LRP1B: variants seen among roughly 807,000 people sequenced by gnomAD.
LRP1B encodes low-density lipoprotein receptor-related protein 1B.
LRP1B carries 217 observed loss-of-function variants against 556.6 expected under a neutral mutation model. That is an observed-to-expected ratio of 0.39 (90% CI 0.35 to 0.44). The LOEUF (loss-of-function observed/expected upper bound fraction) is 0.44, where lower values mean the gene tolerates loss of function less well. LRP1B is among the 20% of genes least tolerant of loss of function. The pLI is 1.00. For missense variants in LRP1B, 5,053 were observed against 5,620.8 expected (o/e 0.90, Z 3.23); for synonymous variants, 2,047 against 1,865.8 (o/e 1.10, Z -2.50).
At position 141,087,490 on chromosome 2, in the gene LRP1B, G is replaced by A. The variant is rs1257625239; in HGVS notation, c.1014-25217C>T. Among the ~76,000 whole-genome samples the A allele has an allele frequency of 2.6e-5, 4 of 152,190 alleles. No individual in the cohort carries two copies. In the East Asian group the frequency reaches 7.7e-4, roughly 29 times the overall value. On this transcript the variant is annotated intron_variant, in intron 7 of 90. Coordinates refer to ENST00000389484, the MANE Select transcript of LRP1B (RefSeq NM_018557.3). Reference sequence around the variant, plus strand: ...ATGGGGGCATATTCACCTACTTCAGGTTAATCCAACCTCCAAATATTCACA... The same window carrying A: ...ATGGGGGCATATTCACCTACTTCAGATTAATCCAACCTCCAAATATTCACA...
intron 7 of LRP1B, among the ~76,000 whole-genome samples, chr2:141,186,924 G>A (rs1378358596): frequency 1.3e-5 from 2 of 151,932 alleles, no homozygotes; most frequent in Non-Finnish European, 2.9e-5. Context: ...GTAGAAAAAG[G>A]GGAAAAACAC....
chr2:141,187,890 A>G (rs528071764), intron 7 of LRP1B, among the ~76,000 whole-genome samples: 1 of 152,148 alleles, frequency 6.6e-6, no homozygotes, highest in South Asian at 2.1e-4. Context: ...CACTAACACC[A>G]TAATAATATT....
chr2:141,786,571 C>A (rs2105651267), intron 2 of LRP1B, among the ~76,000 whole-genome samples: 1 of 151,998 alleles, frequency 6.6e-6, no homozygotes, highest in South Asian at 2.1e-4. Context: ...CCTATAATAT[C>A]AAGCTACCAG....
At chr2:141,801,881 C>T (rs900703541) in intron 2 of LRP1B, among the ~76,000 whole-genome samples, 7 of 151,976 alleles carry the variant, frequency 4.6e-5, no homozygotes, top group Non-Finnish European at 7.4e-5. Context: ...TATTAAAATA[C>T]ATCAACTTTT....
chr2:140,988,315 GC>G (rs1206304411), intron 17 of LRP1B, among the ~76,000 whole-genome samples: 1 of 151,994 alleles, frequency 6.6e-6, no homozygotes, highest in Non-Finnish European at 1.5e-5. Flanking sequence ...CAAAAGATTT[GC>G]TATGAGACAA....
chr2:140,285,159 G>C (rs1683090257), intron 84 of LRP1B, among the ~76,000 whole-genome samples: 1 of 149,488 alleles, frequency 6.7e-6, no homozygotes, highest in Non-Finnish European at 1.5e-5. Flanking sequence ...GTATATATGT[G>C]TGTGTAGATA....
chr2:141,393,605 C>CA (rs1690134794), intron 3 of LRP1B, among the ~76,000 whole-genome samples: 1 of 151,988 alleles, frequency 6.6e-6, no homozygotes, highest in African/African-American at 2.4e-5. Context: ...GCCATTCAAT[C>CA]AAAAAACGAC....
chr2:140,664,257 T>C (rs978594263), intron 41 of LRP1B, among the ~76,000 whole-genome samples: 8 of 152,316 alleles, frequency 5.3e-5, no homozygotes, highest in African/African-American at 1.9e-4. Context: ...GGAAAAATAG[T>C]GCCAACAGAC....
chr2:140,700,748 G>T, intron 40 of LRP1B, 127 bp from the exon 41 acceptor site: 1 of 973,086 alleles, frequency 1.0e-6, no homozygotes, highest in Non-Finnish European at 1.5e-6. Flanking sequence ...TTAATTTTAA[G>T]CTGGTCAATA....
At chr2:141,480,583 G>A (rs2105090660) in intron 2 of LRP1B, 50 bp from the exon 3 acceptor site, 4 of 1,579,984 alleles carry the variant, frequency 2.5e-6, no homozygotes, top group Non-Finnish European at 3.5e-6. Flanking sequence ...TTTCTAAATG[G>A]TAAAACTGTT....
intron 2 of LRP1B, among the ~76,000 whole-genome samples, chr2:141,692,481 G>A (rs184022448): frequency 2.6e-5 from 4 of 152,068 alleles, no homozygotes; most frequent in Admixed American, 1.3e-4. Context: ...TTCAGCATGA[G>A]TTTGTCATTG....
intron 2 of LRP1B, among the ~76,000 whole-genome samples, chr2:141,504,592 A>G (rs898615482): frequency 1.3e-5 from 2 of 152,112 alleles, no homozygotes; most frequent in Non-Finnish European, 2.9e-5. Context: ...ACAACACATT[A>G]CCAGATGGAA....
At chr2:141,619,425 G>A (rs979320870) in intron 2 of LRP1B, among the ~76,000 whole-genome samples, 1 of 152,198 alleles carries the variant, frequency 6.6e-6, no homozygotes, top group Non-Finnish European at 1.5e-5. Context: ...CAATGCATAT[G>A]AGCGGAACTG....
intron 2 of LRP1B, among the ~76,000 whole-genome samples, chr2:141,555,939 T>G (rs1685947354): frequency 1.3e-5 from 2 of 150,456 alleles, no homozygotes; most frequent in Non-Finnish European, 3.0e-5. Flanking sequence ...CTGCAGGGTT[T>G]TGTTTTGTTT....
chr2:141,719,810 C>T (rs1370921544), intron 2 of LRP1B, among the ~76,000 whole-genome samples: 1 of 151,970 alleles, frequency 6.6e-6, no homozygotes, highest in South Asian at 2.1e-4. Flanking sequence ...CAAAGGATAA[C>T]AATTTTCACT....
intron 83 of LRP1B, 137 bp from the exon 84 acceptor site, chr2:140,298,106 C>A: frequency 1.5e-6 from 1 of 655,090 alleles, no homozygotes; most frequent in African/African-American, 1.9e-5. Context: ...TGACTTTAGG[C>A]AGTAACAAGA....
intron 3 of LRP1B, among the ~76,000 whole-genome samples, chr2:141,440,034 C>T (rs1297169111): frequency 1.3e-5 from 2 of 152,150 alleles, no homozygotes; most frequent in African/African-American, 4.8e-5. Flanking sequence ...TGGTCGACAA[C>T]ACATAACAGC....
At chr2:142,066,069 C>A (rs1445546203) in intron 1 of LRP1B, among the ~76,000 whole-genome samples, 1 of 151,470 alleles carries the variant, frequency 6.6e-6, no homozygotes, top group African/African-American at 2.4e-5. Context: ...AAAAGAATCA[C>A]CAGTCCTATG....
chr2:140,972,502 G>A (rs1696457597), intron 18 of LRP1B, among the ~76,000 whole-genome samples: 3 of 152,102 alleles, frequency 2.0e-5, no homozygotes, highest in Admixed American at 2.0e-4. Flanking sequence ...TTCCTATGGA[G>A]ACAAATTATC....
Sources: gnomAD v4.1 joint callset for allele counts (sites outside exome capture counted in the v4.1 genomes callset) on GRCh38, gnomAD v4.1.1 for gene constraint, MANE v1.5 for transcripts, NCBI Gene and HGNC (gene_info 2026-07-23, HGNC 2026-07-21) for gene names.